HTR7: variants seen among roughly 807,000 people sequenced by gnomAD.
HTR7 encodes the protein 5-HT-7.
In HTR7, 16 loss-of-function variants were observed where a neutral mutation model predicts 34.0. The observed-to-expected ratio is 0.47, with a 90% CI of 0.32 to 0.71. HTR7 has a LOEUF of 0.71. HTR7 is among the 30% of genes least tolerant of loss of function. The probability of loss-of-function intolerance (pLI) is 0.04; values close to 1 mark genes in which losing one functional copy is unlikely to be tolerated. For synonymous variants in HTR7, 265 were observed against 260.2 expected (o/e 1.02, Z -0.18); for missense variants, 504 against 625.5 (o/e 0.81, Z 2.07).
At chr10:90,746,681 A>G (rs547780788) in intron 2 of HTR7, among the ~76,000 whole-genome samples, 1 of 152,322 alleles carries the variant, frequency 6.6e-6, no homozygotes, top group Non-Finnish European at 1.5e-5. Flanking sequence ...TATCAAGACT[A>G]GTTTGCTCAT....
chr10:90,762,466 A>T (rs1184788751), intron 1 of HTR7, among the ~76,000 whole-genome samples: 1 of 152,066 alleles, frequency 6.6e-6, no homozygotes. Flanking sequence ...TCCTTTTCCC[A>T]TTTTTAATGG....
At chr10:90,828,671 TAAC>T (rs1846116331) in intron 1 of HTR7, among the ~76,000 whole-genome samples, 1 of 152,038 alleles carries the variant, frequency 6.6e-6, no homozygotes, top group South Asian at 2.1e-4. Context: ...AACATACCGA[TAAC>T]AAGTAATGAG....
At chr10:90,815,873 C>G (rs1431486262) in intron 1 of HTR7, among the ~76,000 whole-genome samples, 2 of 152,092 alleles carry the variant, frequency 1.3e-5, no homozygotes, top group Admixed American at 1.3e-4. Flanking sequence ...CAGGTTTTGG[C>G]AAAAGTCTGT....
Position 90,760,273 on chromosome 10 carries a change from T to C in HTR7, c.540-10679A>G, listed in dbSNP as rs1844914081. Among the ~76,000 whole-genome samples the C allele has an allele frequency of 2.0e-5, 3 of 152,166 alleles. No homozygotes were observed. In the South Asian group the frequency reaches 6.2e-4, roughly 32 times the overall value. Reference sequence around the variant, plus strand: ...CAGGTACAGAAAGTTAAACACCACATGTTCTCACTCTAAAATTAGTTGATC... The same window carrying C: ...CAGGTACAGAAAGTTAAACACCACACGTTCTCACTCTAAAATTAGTTGATC... On this transcript the variant is annotated intron_variant, in intron 1 of 3. Transcript: ENST00000336152.
At chr10:90,854,965 G>A (rs781336853) in intron 1 of HTR7, among the ~76,000 whole-genome samples, 4 of 151,956 alleles carry the variant, frequency 2.6e-5, no homozygotes, top group Admixed American at 6.6e-5. Context: ...ATTCTACAAC[G>A]GAATTGCAGA....
intron 1 of HTR7, among the ~76,000 whole-genome samples, chr10:90,819,074 C>G (rs1393775118): frequency 6.6e-6 from 1 of 152,198 alleles, no homozygotes; most frequent in African/African-American, 2.4e-5. Flanking sequence ...ATAAATTACC[C>G]AGCCTCAGGT....
intron 1 of HTR7, among the ~76,000 whole-genome samples, chr10:90,841,385 C>A (rs988479752): frequency 3.9e-5 from 6 of 152,162 alleles, no homozygotes; most frequent in Non-Finnish European, 8.8e-5. Context: ...TTTTATCCCG[C>A]AGTTCTGTAG....
intron 1 of HTR7, among the ~76,000 whole-genome samples, chr10:90,776,840 C>G (rs1589446235): frequency 1.3e-5 from 2 of 152,146 alleles, no homozygotes; most frequent in South Asian, 4.1e-4. Context: ...ACAAAGGCTA[C>G]ACGGTCTCAG....
At chr10:90,757,189 T>C (rs1052469822) in intron 1 of HTR7, among the ~76,000 whole-genome samples, 7 of 152,206 alleles carry the variant, frequency 4.6e-5, no homozygotes, top group Middle Eastern at 6.3e-3. Flanking sequence ...CTGTGTGGCT[T>C]TCAACCCCAT....
chr10:90,790,810 A>T (rs1348783876), intron 1 of HTR7, among the ~76,000 whole-genome samples: 1 of 152,098 alleles, frequency 6.6e-6, no homozygotes, highest in Non-Finnish European at 1.5e-5. Context: ...ATGCAGAGAG[A>T]GAGAGAGAAA....
chr10:90,839,957 C>T (rs772379498), intron 1 of HTR7, among the ~76,000 whole-genome samples: 1 of 151,816 alleles, frequency 6.6e-6, no homozygotes, highest in Non-Finnish European at 1.5e-5. Flanking sequence ...TCTTAATTTA[C>T]CCTCAACTAG....
chr10:90,807,506 C>A (rs1468197956), intron 1 of HTR7, among the ~76,000 whole-genome samples: 2 of 152,168 alleles, frequency 1.3e-5, no homozygotes, highest in African/African-American at 2.4e-5. Context: ...CTCATCCTGG[C>A]TCAAAAACCT....
At chr10:90,806,336 C>T (rs551738978) in intron 1 of HTR7, among the ~76,000 whole-genome samples, 9 of 152,292 alleles carry the variant, frequency 5.9e-5, no homozygotes, top group African/African-American at 1.9e-4. Flanking sequence ...CGGTGGCTCA[C>T]GCCTGTAATC....
intron 1 of HTR7, among the ~76,000 whole-genome samples, chr10:90,822,863 G>A (rs767048579): frequency 2.6e-5 from 4 of 152,194 alleles, no homozygotes; most frequent in Non-Finnish European, 5.9e-5. Context: ...AAGAGGCCAA[G>A]GTACAGTTCA....
At chr10:90,836,769 C>T (rs2120074007) in intron 1 of HTR7, among the ~76,000 whole-genome samples, 1 of 152,160 alleles carries the variant, frequency 6.6e-6, no homozygotes, top group African/African-American at 2.4e-5. Context: ...CTTGGCTTCC[C>T]AAAGTGCTGT....
At chr10:90,742,783 C>T (rs1260773505) in intron 3 of HTR7, among the ~76,000 whole-genome samples, 1 of 152,142 alleles carries the variant, frequency 6.6e-6, no homozygotes, top group Non-Finnish European at 1.5e-5. Flanking sequence ...TAGAAATTCA[C>T]CTTTTTAATA....
intron 1 of HTR7, among the ~76,000 whole-genome samples, chr10:90,777,272 G>T (rs1302807566): frequency 1.3e-5 from 2 of 152,018 alleles, no homozygotes; most frequent in African/African-American, 4.8e-5. Context: ...CACGAGGTCA[G>T]GGGTTTGAGA....
At chr10:90,775,027 A>T (rs1026695106) in intron 1 of HTR7, among the ~76,000 whole-genome samples, 2 of 152,258 alleles carry the variant, frequency 1.3e-5, no homozygotes, top group Non-Finnish European at 2.9e-5. Flanking sequence ...ATAACGAAGA[A>T]GATGAGATAT....
intron 1 of HTR7, among the ~76,000 whole-genome samples, chr10:90,810,725 G>T (rs896460850): frequency 6.6e-6 from 1 of 151,854 alleles, no homozygotes; most frequent in South Asian, 2.1e-4. Flanking sequence ...GCCTCTCTTC[G>T]CTTTCACTTG....
Sources: gnomAD v4.1 joint callset for allele counts (sites outside exome capture counted in the v4.1 genomes callset) on GRCh38, gnomAD v4.1.1 for gene constraint, MANE v1.5 for transcripts, NCBI Gene and HGNC (gene_info 2026-07-23, HGNC 2026-07-21) for gene names.